FLT3: variants seen among roughly 807,000 people sequenced by gnomAD.
The protein encoded by FLT3 is fms related receptor tyrosine kinase 3, also known as receptor-type tyrosine-protein kinase FLT3.
Under a neutral mutation model 126.6 loss-of-function variants are expected in FLT3, and 46 were observed. The observed-to-expected ratio is 0.36, with a 90% CI of 0.29 to 0.46. The LOEUF is 0.46. Ranked by LOEUF, FLT3 falls within the 20% of genes least tolerant of loss-of-function variation. The pLI is 1.00. For missense variants in FLT3, 1,069 were observed against 1,190.3 expected, an observed-to-expected ratio of 0.90 and a Z score of 1.50; for synonymous variants, 404 against 434.4, an observed-to-expected ratio of 0.93 and a Z score of 0.87.
chr13:28,040,364 A>G (rs571677892), intron 9 of FLT3, among the ~76,000 whole-genome samples: 2 of 152,206 alleles, frequency 1.3e-5, no homozygotes, highest in East Asian at 3.9e-4. Context: ...GAAAAAAAGA[A>G]ATGGCAGGGG....
At chr13:28,053,397 G>GATATATATATATATATAT (rs10522717) in intron 4 of FLT3, among the ~76,000 whole-genome samples, 3,210 of 134,436 alleles carry the variant, frequency 0.024, 67 homozygotes, top group Middle Eastern at 0.056. Flanking sequence ...TGTACTGTTT[G>GATATATATATATATATAT]ATATATATAT....
At chr13:28,044,060 T>C (rs1048438599) in intron 9 of FLT3, among the ~76,000 whole-genome samples, 13 of 149,550 alleles carry the variant, frequency 8.7e-5, no homozygotes, top group South Asian at 2.1e-4. Context: ...AATCACTTAA[T>C]CACCTCCGCC....
intron 4 of FLT3, among the ~76,000 whole-genome samples, chr13:28,055,834 C>T (rs370932284): frequency 2.6e-5 from 4 of 152,156 alleles, no homozygotes; most frequent in South Asian, 2.1e-4. Flanking sequence ...GAACAAGAAA[C>T]GTCCTAGCTT....
Position 28,061,857 on chromosome 13 carries a change from C to T in FLT3, c.368+10G>A, listed in dbSNP as rs754505388. 4 of 1,603,912 alleles carry T rather than the reference C, an allele frequency of 2.5e-6. No homozygotes were observed. The highest frequency in any genetic ancestry group is 3.4e-6 in the Non-Finnish European group (4 of 1,171,102). On this transcript the variant is annotated intron_variant, in intron 3 of 23. Coordinates refer to ENST00000241453, the MANE Select transcript of FLT3 (RefSeq NM_004119.3). ...CACATTTTATGTCAAGAAGGTATTC[C>T]TCCACTTACCTGTTTTGTAAATCAA...
chr13:28,097,816 T>G (rs1185960285), intron 1 of FLT3, among the ~76,000 whole-genome samples: 3 of 152,210 alleles, frequency 2.0e-5, no homozygotes, highest in Non-Finnish European at 4.4e-5. Flanking sequence ...GAGCAAAGAA[T>G]GGCAACTCAA....
At chr13:28,028,115 A>C in intron 16 of FLT3, 63 bp downstream of exon 16, 1 of 817,396 alleles carries the variant, frequency 1.2e-6, no homozygotes, top group Non-Finnish European at 2.2e-6. Context: ...GAGAGAGCAA[A>C]CATCCTCTTT....
Position 28,062,678 on chromosome 13 carries a change from C to T in FLT3, c.166-609G>A, listed in dbSNP as rs181234924. Reference sequence around the variant, plus strand: ...AGAATGGCTTGAACATGGGAGGCAGCGGTTGCAGCGAGCTGAGATCGCGCC... The same window carrying T: ...AGAATGGCTTGAACATGGGAGGCAGTGGTTGCAGCGAGCTGAGATCGCGCC... On this transcript the variant is annotated intron_variant, in intron 2 of 23. Coordinates refer to ENST00000241453, the MANE Select transcript of FLT3 (RefSeq NM_004119.3). Among the ~76,000 whole-genome samples the T allele has an allele frequency of 1.1e-4, 16 of 139,728 alleles. No individual in the cohort carries two copies. The East Asian group carries it at 2.7e-3, about 24-fold the overall frequency. 91.7% of individuals were successfully genotyped at this position (139,728 alleles called of 152,430 possible).
chr13:28,003,708 T>C lies in FLT3; in HGVS notation c.*344A>G, dbSNP rs1249711585. On this transcript the variant is annotated 3_prime_UTR_variant, in exon 24 of 24. Transcript: ENST00000241453. The stretch of plus-strand genomic sequence containing the variant: ...TTTAAAACATAGACTTAAAAAATCA[T>C]ATTAGCTTCTCCTTAGCAAAATGCT... The C allele has an allele frequency of 1.5e-5, 4 of 271,350 alleles. No homozygotes were observed. Among genetic ancestry groups the C allele is most frequent in the East Asian group, 5.2e-5 (1 of 19,280 alleles). 16.8% of individuals were successfully genotyped at this position (271,350 alleles called of 1,614,324 possible).
chr13:28,046,082 C>T (rs1252624731), intron 9 of FLT3, among the ~76,000 whole-genome samples: 2 of 152,022 alleles, frequency 1.3e-5, no homozygotes, highest in Non-Finnish European at 2.9e-5. Context: ...CTACAGTGCA[C>T]AGGACAGTCC....
chr13:28,096,841 A>G (rs1432726530), intron 1 of FLT3, among the ~76,000 whole-genome samples: 2 of 152,214 alleles, frequency 1.3e-5, no homozygotes, highest in African/African-American at 2.4e-5. Context: ...CAATGACCAC[A>G]CATTTCTTAA....
intron 23 of FLT3, among the ~76,000 whole-genome samples, chr13:28,006,172 A>G (rs767574052): frequency 5.9e-5 from 9 of 152,168 alleles, no homozygotes; most frequent in Non-Finnish European, 1.2e-4. Flanking sequence ...GGAATCATGC[A>G]TTCTATTTAA....
At chr13:28,025,643 A>C (rs1433710613) in intron 17 of FLT3, among the ~76,000 whole-genome samples, 1 of 152,254 alleles carries the variant, frequency 6.6e-6, no homozygotes, top group African/African-American at 2.4e-5. Context: ...CAGTGAACAG[A>C]ACGAATCAAA....
intron 18 of FLT3, 68 bp from the exon 19 acceptor site, chr13:28,023,545 G>A (rs530182976): frequency 6.4e-7 from 1 of 1,570,186 alleles, no homozygotes; most frequent in Admixed American, 1.8e-5. Context: ...ATCTCTATGG[G>A]AAGGTTATTC....
At chr13:28,085,964 T>TA (rs528024743) in intron 1 of FLT3, among the ~76,000 whole-genome samples, 1 of 152,042 alleles carries the variant, frequency 6.6e-6, no homozygotes, top group African/African-American at 2.4e-5. Context: ...AAAATTACAT[T>TA]AAAAAAATAT....
At chr13:28,094,602 C>T (rs1879334974) in intron 1 of FLT3, among the ~76,000 whole-genome samples, 1 of 152,124 alleles carries the variant, frequency 6.6e-6, no homozygotes, top group Non-Finnish European at 1.5e-5. Flanking sequence ...TGGGCTCAAG[C>T]TATCCTCTTA....
At chr13:28,099,484 C>A (rs1879680106) in intron 1 of FLT3, among the ~76,000 whole-genome samples, 1 of 152,174 alleles carries the variant, frequency 6.6e-6, no homozygotes, top group Admixed American at 6.5e-5. Context: ...CAAGCATTTT[C>A]TCTATTTACC....
intron 3 of FLT3, 94 bp downstream of exon 3, chr13:28,061,773 A>T: frequency 1.6e-6 from 1 of 634,628 alleles, no homozygotes; most frequent in Admixed American, 3.3e-5. Context: ...CCTGACTCAC[A>T]AAAAAAAAAG....
intron 15 of FLT3, among the ~76,000 whole-genome samples, chr13:28,031,673 C>T (rs1026870524): frequency 2.6e-5 from 4 of 151,998 alleles, no homozygotes; most frequent in Non-Finnish European, 5.9e-5. Flanking sequence ...GTGGGAGATA[C>T]TTACATGAAA....
chr13:28,037,659 G>C (rs1873962857), intron 9 of FLT3, among the ~76,000 whole-genome samples: 1 of 152,184 alleles, frequency 6.6e-6, no homozygotes, highest in Non-Finnish European at 1.5e-5. Flanking sequence ...GCTCTGGATA[G>C]TCTAACTTCT....
Sources: gnomAD v4.1 joint callset for allele counts (sites outside exome capture counted in the v4.1 genomes callset) on GRCh38, gnomAD v4.1.1 for gene constraint, MANE v1.5 for transcripts, NCBI Gene and HGNC (gene_info 2026-07-23, HGNC 2026-07-21) for gene names.